Variants in ST7 observed in about 807,000 individuals in gnomAD.
ST7 encodes suppression of tumorigenicity 7.
A neutral mutation model predicts 78.7 loss-of-function variants in ST7; 28 were observed. That is an observed-to-expected ratio of 0.36 (90% confidence interval 0.26 to 0.49). ST7 has a LOEUF of 0.49. Ranked by LOEUF, ST7 falls within the 20% of genes least tolerant of loss-of-function variation. The probability of loss-of-function intolerance (pLI) is 0.99; values close to 1 mark genes in which losing one functional copy is unlikely to be tolerated. For synonymous variants in ST7, 247 were observed against 249.6 expected (o/e 0.99, Z 0.10); for missense variants, 418 against 696.0 (o/e 0.60, Z 4.49).
At chr7:116,960,309 C>T (rs1046550197) in intron 1 of ST7, among the ~76,000 whole-genome samples, 2 of 152,074 alleles carry the variant, frequency 1.3e-5, no homozygotes, top group African/African-American at 4.8e-5. Context: ...CATGCCTCAC[C>T]CTCCCAAGTA....
chr7:117,014,570 G>C (rs1795522814), intron 1 of ST7, among the ~76,000 whole-genome samples: 1 of 152,170 alleles, frequency 6.6e-6, no homozygotes, highest in South Asian at 2.1e-4. Context: ...ACAAAATTGA[G>C]ACAAAAATTT....
intron 1 of ST7, among the ~76,000 whole-genome samples, chr7:117,056,894 A>G (rs1334385658): frequency 2.0e-5 from 3 of 152,186 alleles, no homozygotes; most frequent in Admixed American, 6.5e-5. Context: ...ATGATGCTCA[A>G]TTACACATAT....
At chr7:117,051,528 G>A (rs75025159) in intron 1 of ST7, among the ~76,000 whole-genome samples, 1 of 152,128 alleles carries the variant, frequency 6.6e-6, no homozygotes, top group East Asian at 1.9e-4. Context: ...TGGAATCTGG[G>A]GTTTATTCTG....
At chr7:117,089,817 G>A (rs902685102) in intron 1 of ST7, among the ~76,000 whole-genome samples, 7 of 151,938 alleles carry the variant, frequency 4.6e-5, no homozygotes, top group Non-Finnish European at 8.8e-5. Context: ...TGATCCTCCC[G>A]CCTCGGCCTC....
chr7:117,047,141 A>G (rs1797533420), intron 1 of ST7, among the ~76,000 whole-genome samples: 1 of 152,254 alleles, frequency 6.6e-6, no homozygotes, highest in South Asian at 2.1e-4. Context: ...GACATCGGTC[A>G]TTAAAAACTA....
At chr7:117,134,890 G>T (rs1189130570) in intron 7 of ST7, among the ~76,000 whole-genome samples, 5 of 151,982 alleles carry the variant, frequency 3.3e-5, no homozygotes, top group Non-Finnish European at 5.9e-5. Context: ...AAATTAGAGA[G>T]ACTGGCTAAA....
At chr7:117,153,643 TA>T (rs761006644) in intron 9 of ST7, among the ~76,000 whole-genome samples, 21 of 152,216 alleles carry the variant, frequency 1.4e-4, no homozygotes, top group Non-Finnish European at 2.1e-4. Context: ...GAGCAATTCT[TA>T]GTCCAGTACT....
At chr7:117,186,390 A>G (rs1809264001) in intron 10 of ST7, among the ~76,000 whole-genome samples, 1 of 152,204 alleles carries the variant, frequency 6.6e-6, no homozygotes, top group South Asian at 2.1e-4. Flanking sequence ...TATGGCCACA[A>G]AGTAACTGAT....
chr7:117,156,331 G>A (rs1266764848), intron 9 of ST7, among the ~76,000 whole-genome samples: 1 of 152,188 alleles, frequency 6.6e-6, no homozygotes, highest in Admixed American at 6.5e-5. Context: ...AAAGTTAAAA[G>A]TGCACAGCTT....
chr7:117,125,476 A>G (rs893008067), intron 3 of ST7, among the ~76,000 whole-genome samples: 2 of 152,150 alleles, frequency 1.3e-5, no homozygotes, highest in South Asian at 2.1e-4. Flanking sequence ...AGCTACCTAC[A>G]TATTTTTGTG....
chr7:117,020,331 G>T (rs1477162744), intron 1 of ST7: 1 of 453,082 alleles, frequency 2.2e-6, no homozygotes, highest in South Asian at 4.2e-5. Flanking sequence ...GAGGCACGTC[G>T]GCCTTCATTT....
chr7:117,150,153 T>TAAACCA (rs1445519110), intron 9 of ST7, among the ~76,000 whole-genome samples: 50 of 152,274 alleles, frequency 3.3e-4, no homozygotes, highest in Admixed American at 1.2e-3. Context: ...TTGTCTGAGG[T>TAAACCA]GGGAAGGAGA....
chr7:117,106,092 G>A (rs1400279066), intron 2 of ST7, among the ~76,000 whole-genome samples: 1 of 151,894 alleles, frequency 6.6e-6, no homozygotes, highest in Non-Finnish European at 1.5e-5. Flanking sequence ...TCCGCTTCCC[G>A]GGTTCACGCC....
chr7:117,039,851 C>T (rs1156600486), intron 1 of ST7, among the ~76,000 whole-genome samples: 1 of 152,166 alleles, frequency 6.6e-6, no homozygotes. Flanking sequence ...AGTTATCCCA[C>T]ATCTTCTGTA....
chr7:117,218,217 C>T (rs1266092570), intron 13 of ST7, among the ~76,000 whole-genome samples: 1 of 152,106 alleles, frequency 6.6e-6, no homozygotes, highest in Non-Finnish European at 1.5e-5. Flanking sequence ...CTGACATTCC[C>T]AGAGTAGGGT....
In ST7 at chr7:116,953,580, T is replaced by A. The variant is rs750009066; in HGVS notation, c.40T>A (p.Ser14Thr). The change falls in exon 1 of 16, where the codon TCC becomes ACC. Residue 14 changes from serine to threonine, a missense_variant. Coordinates refer to ENST00000323984, the MANE Select transcript of ST7 (RefSeq NM_001369598.1). ...AATGFLEQLKSCIVWSWTYLW... is the reference protein window; with the variant it reads ...AATGFLEQLKTCIVWSWTYLW... ...CACGGGCTTTCTGGAGCAGCTCAAGTCCTGCATAGTTTGGTCTTGGACGTA... is the reference window on the plus strand; with the variant it reads ...CACGGGCTTTCTGGAGCAGCTCAAGACCTGCATAGTTTGGTCTTGGACGTA... 1 of 1,484,530 alleles carries A rather than the reference T, an allele frequency of 6.7e-7. No individual in the cohort carries two copies. The highest frequency in any genetic ancestry group is 1.2e-5 in the South Asian group (1 of 82,300). The allele number at this position is 1,484,530 out of a possible 1,614,324, so 92.0% of individuals were successfully genotyped here. A position where few individuals can be genotyped will look rare whatever the true frequency, so the allele number is the denominator to read the frequency against.
intron 1 of ST7, among the ~76,000 whole-genome samples, chr7:117,066,628 G>A (rs935582950): frequency 6.6e-6 from 1 of 151,926 alleles, no homozygotes; most frequent in African/African-American, 2.4e-5. Flanking sequence ...GGGTGTGGTG[G>A]TGTGCACCTG....
intron 15 of ST7, among the ~76,000 whole-genome samples, chr7:117,227,823 C>T (rs1563184460): frequency 6.6e-6 from 1 of 152,136 alleles, no homozygotes; most frequent in Non-Finnish European, 1.5e-5. Flanking sequence ...TTTGTGCACT[C>T]AACAAAGGAT....
In ST7 at chr7:117,219,248, A is replaced by C; in HGVS notation, c.1498+72A>C. On this transcript the variant is annotated intron_variant, in intron 14 of 15. Transcript: ENST00000323984. This position sits in a 1 kb window ranked among gnomAD's most constrained non-coding sequence, Gnocchi z 5.1. ...GGGGATTGGAAGAGGTGGGAATATC[A>C]AAGTTTAGAATGCTCCTTGTCTTTT... The C allele has an allele frequency of 8.2e-7, 1 of 1,212,692 alleles. No individual in the cohort carries two copies. The highest frequency in any genetic ancestry group is 1.2e-6 in the Non-Finnish European group (1 of 843,792). The allele number at this position is 1,212,692 out of a possible 1,614,324, so 75.1% of individuals were successfully genotyped here.
Sources: allele counts gnomAD v4.1 joint callset (sites outside exome capture counted in the v4.1 genomes callset), GRCh38; gene constraint gnomAD v4.1.1; non-coding constraint Gnocchi (gnomAD v3.1); transcripts MANE v1.5; gene names NCBI Gene and HGNC (gene_info 2026-07-23, HGNC 2026-07-21).